MCUB: variants seen among roughly 807,000 people sequenced by gnomAD.
The protein encoded by MCUB is mitochondrial calcium uniporter dominant negative subunit beta.
Under a neutral mutation model 41.4 loss-of-function variants are expected in MCUB, and 46 were observed. The observed-to-expected ratio is 1.11, with a 90% CI of 0.88 to 1.42. MCUB has a LOEUF of 1.42. MCUB is among the 40% of genes most tolerant of loss of function. The pLI, the probability that MCUB is intolerant of heterozygous loss-of-function variation, is 0.00. For missense variants in MCUB, 403 were observed against 404.9 expected (o/e 1.00, Z 0.04); for synonymous variants, 148 against 148.2 (o/e 1.00, Z 0.01).
At chr4:109,587,806 T>A (rs906971975) in intron 1 of MCUB, among the ~76,000 whole-genome samples, 1 of 152,168 alleles carries the variant, frequency 6.6e-6, no homozygotes, top group Non-Finnish European at 1.5e-5. Flanking sequence ...ATAAGAGATA[T>A]AGGCCTATCC....
chr4:109,660,362 G>T lies in MCUB; in HGVS notation c.343G>T (p.Ala115Ser), dbSNP rs1212756676. ...KGIKTAAIFT[A>S]DGNMISASTL... The stretch of plus-strand genomic sequence containing the variant: ...TATCAAAACTGCAGCCATCTTCACA[G>T]CAGGTATATATGTATATAATTTTAC... The change falls in exon 3 of 8, where the codon GCA becomes TCA. Residue 115 changes from alanine (A) to serine (S), a missense_variant. Physicochemically the swap from Ala to Ser is moderately conservative, Grantham distance 99. Transcript: ENST00000394650. 2 of 1,584,732 alleles carry T rather than the reference G, an allele frequency of 1.3e-6. No individual in the cohort carries two copies. Among genetic ancestry groups the T allele is most frequent in the East Asian group, 4.5e-5 (2 of 44,694 alleles).
At chr4:109,635,102 T>G (rs950578375) in intron 1 of MCUB, among the ~76,000 whole-genome samples, 4 of 152,188 alleles carry the variant, frequency 2.6e-5, no homozygotes, top group African/African-American at 9.7e-5. Context: ...GGCTTCCAGC[T>G]TCATCCATGT....
intron 1 of MCUB, among the ~76,000 whole-genome samples, chr4:109,586,898 A>C (rs1463538259): frequency 6.6e-6 from 1 of 152,182 alleles, no homozygotes; most frequent in Non-Finnish European, 1.5e-5. Flanking sequence ...TCTCCCAGTT[A>C]GGCTACACGG....
intron 1 of MCUB, among the ~76,000 whole-genome samples, chr4:109,604,588 C>T (rs4698769): frequency 0.24 from 35,719 of 151,958 alleles, 4,427 homozygotes; most frequent in Middle Eastern, 0.28. Flanking sequence ...GCATCCTTGT[C>T]GTGTTCCAGA....
At chr4:109,612,657 G>C (rs1728038106) in intron 1 of MCUB, among the ~76,000 whole-genome samples, 1 of 152,156 alleles carries the variant, frequency 6.6e-6, no homozygotes, top group Non-Finnish European at 1.5e-5. Context: ...TCAATCTCCT[G>C]ATACCAGTAT....
chr4:109,664,296 A>G lies in MCUB; in HGVS notation c.353A>G (p.Asn118Ser), dbSNP rs1047683287. 7.2e-6 allele frequency: 11 copies of G among 1,524,940 alleles called. No homozygotes were observed. Among genetic ancestry groups the G allele is most frequent in the Non-Finnish European group, 8.2e-6 (9 of 1,099,428 alleles). The allele number at this position is 1,524,940 out of a possible 1,614,324, so 94.5% of individuals were successfully genotyped here. A position where few individuals can be genotyped will look rare whatever the true frequency, so the allele number is the denominator to read the frequency against. Residue 118 changes from asparagine (N) to serine (S), a missense_variant, in exon 4 of 8, where the codon AAC becomes AGC. Asn to Ser is a conservative substitution (Grantham distance 46, BLOSUM62 1). Coordinates refer to ENST00000394650, the MANE Select transcript of MCUB (RefSeq NM_017918.5). Reference sequence around the variant, plus strand: ...CATGATGTTTTTCTTTCAGATGGCAACATGATTTCAGCTTCTACCTTGATG... The same window carrying G: ...CATGATGTTTTTCTTTCAGATGGCAGCATGATTTCAGCTTCTACCTTGATG... ...KTAAIFTADGNMISASTLMDI... is the reference protein window; with the variant it reads ...KTAAIFTADGSMISASTLMDI...
chr4:109,663,207 C>T (rs1165953457), intron 3 of MCUB, among the ~76,000 whole-genome samples: 1 of 152,168 alleles, frequency 6.6e-6, no homozygotes, highest in African/African-American at 2.4e-5. Flanking sequence ...CCAGCATTTT[C>T]CTGGACTTAA....
intron 6 of MCUB, chr4:109,684,921 G>A (rs1401247024): frequency 5.2e-6 from 2 of 381,378 alleles, no homozygotes; most frequent in Non-Finnish European, 9.3e-6. Context: ...AAAAAAAACT[G>A]AATTTGCATT....
intron 1 of MCUB, among the ~76,000 whole-genome samples, chr4:109,631,116 A>AT (rs1728466215): frequency 6.6e-6 from 1 of 152,248 alleles, no homozygotes; most frequent in Non-Finnish European, 1.5e-5. Flanking sequence ...TCAAGCTAGT[A>AT]TAATTTGCCA....
chr4:109,606,716 TA>T, intron 1 of MCUB, among the ~76,000 whole-genome samples: 1 of 152,346 alleles, frequency 6.6e-6, no homozygotes, highest in East Asian at 1.9e-4. Flanking sequence ...ATTTATATCT[TA>T]TTTTACTGTC....
chr4:109,670,173 G>A (rs571640942), intron 4 of MCUB, among the ~76,000 whole-genome samples: 2 of 152,308 alleles, frequency 1.3e-5, no homozygotes, highest in South Asian at 2.1e-4. Flanking sequence ...GTATGGAGGG[G>A]AAGTGTTCTG....
intron 1 of MCUB, among the ~76,000 whole-genome samples, chr4:109,598,155 C>G (rs1159345907): frequency 4.9e-5 from 7 of 144,090 alleles, no homozygotes; most frequent in African/African-American, 7.7e-5. Context: ...AGACGATGGG[C>G]AGCCAGGCAG....
intron 4 of MCUB, among the ~76,000 whole-genome samples, chr4:109,677,516 G>A (rs889727887): frequency 2.0e-5 from 3 of 152,176 alleles, no homozygotes; most frequent in Admixed American, 2.0e-4. Context: ...TCATGTGTTA[G>A]AAACTTGATC....
intron 1 of MCUB, among the ~76,000 whole-genome samples, chr4:109,587,975 CTATAA>C (rs1174249852): frequency 9.9e-5 from 15 of 152,148 alleles, no homozygotes; most frequent in Admixed American, 8.5e-4. Context: ...TGGTTAGTAG[CTATAA>C]TATAATTTAA....
chr4:109,628,501 G>T (rs1478215328), intron 1 of MCUB, among the ~76,000 whole-genome samples: 5 of 152,234 alleles, frequency 3.3e-5, no homozygotes, highest in African/African-American at 4.8e-5. Flanking sequence ...AACCAGTTAG[G>T]AGGCAAAGTA....
chr4:109,622,082 A>T (rs943374026), intron 1 of MCUB, among the ~76,000 whole-genome samples: 1 of 152,046 alleles, frequency 6.6e-6, no homozygotes, highest in South Asian at 2.1e-4. Context: ...GAGTTTCACC[A>T]TGTTGGCCAG....
chr4:109,638,124 G>A (rs1053387778), intron 1 of MCUB, among the ~76,000 whole-genome samples: 7 of 152,188 alleles, frequency 4.6e-5, no homozygotes, highest in Non-Finnish European at 1.0e-4. Flanking sequence ...GGGAGGCCAA[G>A]GCAAGAGGAT....
chr4:109,672,788 A>T (rs1729487978), intron 4 of MCUB, among the ~76,000 whole-genome samples: 1 of 152,204 alleles, frequency 6.6e-6, no homozygotes, highest in Non-Finnish European at 1.5e-5. Context: ...TATCTGGTAC[A>T]GTTTGAACAC....
chr4:109,633,328 C>A (rs930744178), intron 1 of MCUB, among the ~76,000 whole-genome samples: 1 of 152,004 alleles, frequency 6.6e-6, no homozygotes. Flanking sequence ...AGTGCAGTGG[C>A]GCGATCTCGG....
Sources: gnomAD v4.1 joint callset for allele counts (sites outside exome capture counted in the v4.1 genomes callset) on GRCh38, gnomAD v4.1.1 for gene constraint, MANE v1.5 for transcripts, NCBI Gene and HGNC (gene_info 2026-07-23, HGNC 2026-07-21) for gene names.